GFM2: variants seen among roughly 807,000 people sequenced by gnomAD.
GFM2 encodes the protein ribosome-releasing factor 2, mitochondrial.
GFM2 carries 72 observed loss-of-function variants against 95.4 expected under a neutral mutation model. The ratio of observed to expected loss-of-function variants is 0.76; its 90% confidence interval spans 0.62 to 0.92. GFM2 has a LOEUF of 0.92. GFM2 is among the 40% of genes least tolerant of loss of function. The pLI, the probability that GFM2 is intolerant of heterozygous loss-of-function variation, is 0.00. For missense variants in GFM2, 825 were observed against 924.1 expected (o/e 0.89, Z 1.39); for synonymous variants, 276 against 317.5 (o/e 0.87, Z 1.39).
At position 74,725,764 on chromosome 5, in the gene GFM2, G is replaced by C; in HGVS notation, c.1913-9C>G. On this transcript the variant is annotated splice_polypyrimidine_tract_variant and intron_variant, in intron 18 of 20. Transcript: ENST00000296805. Reference sequence around the variant, plus strand: ...GGATCCAAGCAATGGTCCTAGACAAGGGAAAAAAATTGTATCATACTCTGC... The same window carrying C: ...GGATCCAAGCAATGGTCCTAGACAACGGAAAAAAATTGTATCATACTCTGC... 1 of 1,596,974 alleles carries C rather than the reference G, an allele frequency of 6.3e-7. No individual in the cohort carries two copies. The highest frequency in any genetic ancestry group is 8.6e-7 in the Non-Finnish European group (1 of 1,165,108).
intron 17 of GFM2, among the ~76,000 whole-genome samples, chr5:74,728,748 CTTTTT>C (rs57180600): frequency 3.8e-3 from 223 of 58,214 alleles, no homozygotes; most frequent in African/African-American, 0.013. Context: ...GTGGGGGTTT[CTTTTT>C]TTTTTTTTTT....
intron 5 of GFM2, among the ~76,000 whole-genome samples, chr5:74,757,430 CTT>C (rs1357691237): frequency 2.0e-5 from 3 of 152,020 alleles, no homozygotes; most frequent in Non-Finnish European, 2.9e-5. Context: ...TGATTTCCTT[CTT>C]GTTATAATAA....
rs1431907699 is a variant in GFM2 at position 74,721,566 on chromosome 5, T to C, written c.*89A>G. 1.5e-6 allele frequency: 2 copies of C among 1,355,008 alleles called. No individual in the cohort carries two copies. The highest frequency in any genetic ancestry group is 2.9e-5 in the African/African-American group (2 of 68,126). 83.9% of individuals were successfully genotyped at this position (1,355,008 alleles called of 1,614,324 possible). A position where few individuals can be genotyped will look rare whatever the true frequency, so the allele number is the denominator to read the frequency against. ...CTGAATGTACTGAAACAGTACTTTA[T>C]TCGTCCAATAAATAAAGCAATAAAA... On this transcript the variant is annotated 3_prime_UTR_variant, in exon 21 of 21. Transcript: ENST00000296805.
Position 74,763,694 on chromosome 5 carries a change from TG to T in GFM2, c.48del (p.Ser17ValfsTer12). ...GAAATGCTTACATTAATATACACACTGGGTATTGTCTGATGACTCATTGCAA... is the reference window on the plus strand; with the variant it reads ...GAAATGCTTACATTAATATACACACTGGTATTGTCTGATGACTCATTGCAA... ...RIFAMSHQTI[P>X]SVYINNICCY... On this transcript the variant is annotated frameshift_variant, in exon 2 of 21. Transcript: ENST00000296805. LOFTEE classifies it high-confidence loss of function. 1 of 1,585,160 alleles carries T rather than the reference TG, an allele frequency of 6.3e-7. No homozygotes were observed. The highest frequency in any genetic ancestry group is 8.7e-7 in the Non-Finnish European group (1 of 1,154,318).
chr5:74,746,231 G>A, intron 8 of GFM2, 66 bp from the exon 9 acceptor site: 1 of 872,616 alleles, frequency 1.1e-6, no homozygotes, highest in African/African-American at 1.7e-5. Flanking sequence ...GGTATCAAGA[G>A]AGGAAAAAAA....
intron 1 of GFM2, among the ~76,000 whole-genome samples, chr5:74,766,427 T>G (rs1744613048): frequency 6.6e-6 from 1 of 152,226 alleles, no homozygotes; most frequent in South Asian, 2.1e-4. Flanking sequence ...CTGCAAGCTG[T>G]GAAGTAATTA....
chr5:74,736,831 C>G lies in GFM2; in HGVS notation c.1475G>C (p.Cys492Ser), dbSNP rs1742856506. 1.2e-6 allele frequency: 2 copies of G among 1,613,918 alleles called. No homozygotes were observed. The highest frequency in any genetic ancestry group is 2.2e-5 in the South Asian group (2 of 91,082). The stretch of plus-strand genomic sequence containing the variant: ...AGACAGTGATGGGGGTTCTATGGTA[C>G]AGAAGAAAACAGGTTCTGGAATCTC... ...GVEIPEPVFFCTIEPPSLSKQ... is the reference protein window; with the variant it reads ...GVEIPEPVFFSTIEPPSLSKQ... Residue 492 changes from cysteine to serine, a missense_variant, in exon 15 of 21, where the codon TGT becomes TCT. Transcript: ENST00000296805.
chr5:74,726,246 A>G (rs1750142824), intron 17 of GFM2, 120 bp from the exon 18 acceptor site: 9 of 641,700 alleles, frequency 1.4e-5, no homozygotes, highest in Non-Finnish European at 2.4e-5. Flanking sequence ...GTGGGAGAGA[A>G]TATTAACAAT....
Position 74,767,007 on chromosome 5 carries a change from G to C in GFM2, c.-94C>G, listed in dbSNP as rs138873029. On this transcript the variant is annotated 5_prime_UTR_variant, in exon 1 of 21. Transcript: ENST00000296805. ...TCTTGAAGCAGGAGGCGCGAGCCGC[G>C]CCAAAGTCTGCAACGGCCTCAAGTC... 888 of 240,922 alleles carry C rather than the reference G, an allele frequency of 3.7e-3. 2 individuals carry two copies. Among genetic ancestry groups the C allele is most frequent in the Non-Finnish European group, 5.4e-3 (646 of 119,946 alleles). 14.9% of individuals were successfully genotyped at this position (240,922 alleles called of 1,614,324 possible).
chr5:74,725,579 T>C, intron 19 of GFM2, 61 bp downstream of exon 19: 1 of 1,094,188 alleles, frequency 9.1e-7, no homozygotes, highest in Non-Finnish European at 1.4e-6. Context: ...GTCTGCAAGA[T>C]CAGTGGTACT....
chr5:74,751,622 C>A, intron 5 of GFM2, 129 bp from the exon 6 acceptor site: 2 of 588,786 alleles, frequency 3.4e-6, no homozygotes, highest in East Asian at 5.9e-5. Context: ...TTTAATAGAG[C>A]CTTTACTCTT....
intron 19 of GFM2, among the ~76,000 whole-genome samples, chr5:74,724,899 G>C (rs918848118): frequency 1.3e-5 from 2 of 152,134 alleles, no homozygotes; most frequent in African/African-American, 2.4e-5. Flanking sequence ...AGTTAATCCA[G>C]TTCTGGTAGG....
intron 19 of GFM2, among the ~76,000 whole-genome samples, chr5:74,724,021 A>G (rs1750036820): frequency 6.6e-6 from 1 of 152,150 alleles, no homozygotes; most frequent in Admixed American, 6.6e-5. Flanking sequence ...TGAAGCACTT[A>G]CAAGCAGAGA....
At chr5:74,758,514 G>T (rs1183216155) in intron 5 of GFM2, among the ~76,000 whole-genome samples, 1 of 152,154 alleles carries the variant, frequency 6.6e-6, no homozygotes, top group Non-Finnish European at 1.5e-5. Context: ...AGCCAAAGAA[G>T]ATAGCTCCCA....
chr5:74,742,192 G>A (rs1743142942), intron 10 of GFM2, among the ~76,000 whole-genome samples: 1 of 150,848 alleles, frequency 6.6e-6, no homozygotes, highest in African/African-American at 2.4e-5. Context: ...TCATTCAGCT[G>A]ACAAATTAAT....
intron 16 of GFM2, 144 bp downstream of exon 16, chr5:74,732,878 G>C (rs1357036359): frequency 4.5e-6 from 2 of 443,066 alleles, no homozygotes; most frequent in Middle Eastern, 5.1e-4. Flanking sequence ...TATTATGAGA[G>C]AATTTAAAAA....
At chr5:74,729,256 T>C (rs925764168) in intron 17 of GFM2, among the ~76,000 whole-genome samples, 2 of 152,226 alleles carry the variant, frequency 1.3e-5, no homozygotes, top group East Asian at 1.9e-4. Context: ...TCAGAAATCT[T>C]GTTCCCTTAC....
intron 17 of GFM2, among the ~76,000 whole-genome samples, chr5:74,726,665 TGC>T (rs1750162903): frequency 2.6e-5 from 4 of 152,178 alleles, no homozygotes; most frequent in African/African-American, 4.8e-5. Flanking sequence ...ATCTCTTATT[TGC>T]TAAAAACCAA....
chr5:74,750,038 A>C (rs1743615926), intron 7 of GFM2, among the ~76,000 whole-genome samples: 1 of 152,222 alleles, frequency 6.6e-6, no homozygotes, highest in African/African-American at 2.4e-5. Context: ...ATCAAAACAA[A>C]AAACTCCCAC....
Sources: allele counts gnomAD v4.1 joint callset (sites outside exome capture counted in the v4.1 genomes callset), GRCh38; gene constraint gnomAD v4.1.1; transcripts MANE v1.5; gene names NCBI Gene and HGNC (gene_info 2026-07-23, HGNC 2026-07-21).